Variants in KIF26B observed in about 807,000 individuals in gnomAD.
KIF26B encodes the protein kinesin-like protein KIF26B.
In KIF26B, 63 loss-of-function variants were observed where a neutral mutation model predicts 151.2. The observed-to-expected ratio is 0.42, with a 90% CI of 0.34 to 0.51. The LOEUF is 0.51. Among genes scored for constraint, KIF26B ranks in the 20% least tolerant of loss-of-function variants. The pLI is 0.07. For synonymous variants in KIF26B, 1,357 were observed against 1,262.1 expected, an observed-to-expected ratio of 1.08 and a Z score of -1.59; for missense variants, 2,813 against 2,913.6, an observed-to-expected ratio of 0.97 and a Z score of 0.79.
chr1:245,607,206 G>A (rs900173120), intron 6 of KIF26B, among the ~76,000 whole-genome samples: 3 of 152,062 alleles, frequency 2.0e-5, no homozygotes, highest in Admixed American at 6.5e-5. Flanking sequence ...CTTGTGAAAT[G>A]GTGGGTCACC....
At position 245,687,012 on chromosome 1, in the gene KIF26B, G is replaced by A. The variant is rs1156767522; in HGVS notation, c.4029G>A (p.Leu1343=). 1 of 1,613,558 alleles carries A rather than the reference G, an allele frequency of 6.2e-7. No individual in the cohort carries two copies. The highest frequency in any genetic ancestry group is 8.5e-7 in the Non-Finnish European group (1 of 1,179,840). ...CCAGCCCCGACAACTTGCTCATCCT[G>A]TCTGAGATGGGAGATGACTCTTTCA... The part of the protein sequence containing the change: ...PKASPDNLLI[L]SEMGDDSFNK... Residue 1343 remains leucine, a synonymous_variant, in exon 12 of 15, where the codon CTG becomes CTA. Transcript: ENST00000407071. The surrounding 1 kb of genome is among the most constrained non-coding windows in gnomAD (Gnocchi z 4.9).
chr1:245,403,074 T>A (rs1422872221), intron 3 of KIF26B, among the ~76,000 whole-genome samples: 3 of 152,164 alleles, frequency 2.0e-5, no homozygotes, highest in Non-Finnish European at 2.9e-5. Context: ...GCTCAAATGA[T>A]CCTCCTGCCT....
intron 12 of KIF26B, among the ~76,000 whole-genome samples, chr1:245,689,485 C>G (rs2044594397): frequency 6.6e-6 from 1 of 152,220 alleles, no homozygotes; most frequent in African/African-American, 2.4e-5. Flanking sequence ...ACACCTGCCA[C>G]AGGGCCTGCA....
intron 2 of KIF26B, among the ~76,000 whole-genome samples, chr1:245,334,324 G>A (rs1672179808): frequency 6.6e-6 from 1 of 152,216 alleles, no homozygotes; most frequent in South Asian, 2.1e-4. Flanking sequence ...TTATGAAAAT[G>A]TTCGTTCCTG....
intron 5 of KIF26B, among the ~76,000 whole-genome samples, chr1:245,600,095 A>G (rs963987146): frequency 2.1e-5 from 3 of 143,800 alleles, no homozygotes; most frequent in Non-Finnish European, 3.0e-5. Flanking sequence ...CTGGAGTGTA[A>G]TGGCGTGATC....
chr1:245,481,131 A>G (rs1452615206), intron 4 of KIF26B, among the ~76,000 whole-genome samples: 1 of 151,920 alleles, frequency 6.6e-6, no homozygotes, highest in Non-Finnish European at 1.5e-5. Context: ...CATCTTTGGA[A>G]TATTTGTCCT....
intron 2 of KIF26B, among the ~76,000 whole-genome samples, chr1:245,169,650 A>G (rs928831077): frequency 6.6e-6 from 1 of 151,918 alleles, no homozygotes; most frequent in African/African-American, 2.4e-5. Context: ...GCATGGTTTC[A>G]ATATATCCAA....
intron 2 of KIF26B, among the ~76,000 whole-genome samples, chr1:245,245,558 A>G (rs1220552113): frequency 6.6e-6 from 1 of 152,174 alleles, no homozygotes; most frequent in Non-Finnish European, 1.5e-5. Flanking sequence ...TGGGAGGCCA[A>G]GGTAGGCAGA....
At chr1:245,595,422 G>A (rs1020559462) in intron 5 of KIF26B, among the ~76,000 whole-genome samples, 4 of 109,522 alleles carry the variant, frequency 3.7e-5, no homozygotes, top group African/African-American at 9.5e-5. Context: ...TGAGATAATC[G>A]TGGTTTTTGT....
intron 5 of KIF26B, among the ~76,000 whole-genome samples, chr1:245,553,256 G>A (rs555288903): frequency 6.6e-6 from 1 of 152,204 alleles, no homozygotes; most frequent in Non-Finnish European, 1.5e-5. Context: ...GGTCTGTGGT[G>A]GAGCTGGCCT....
At chr1:245,396,613 C>G (rs779813630) in intron 3 of KIF26B, among the ~76,000 whole-genome samples, 1 of 149,054 alleles carries the variant, frequency 6.7e-6, no homozygotes, top group Admixed American at 6.7e-5. Context: ...TCCTGGGCAA[C>G]GACAACAGTG....
At chr1:245,643,234 G>T (rs1428520848) in intron 9 of KIF26B, among the ~76,000 whole-genome samples, 1 of 151,978 alleles carries the variant, frequency 6.6e-6, no homozygotes, top group African/African-American at 2.4e-5. Context: ...GATATGGTTT[G>T]GTTCAAAATA....
rs115353452 is a variant in KIF26B at position 245,207,271 on chromosome 1, A to G, written c.465+50588A>G. 1.9e-3 allele frequency among the ~76,000 whole-genome samples: 294 copies of G among 152,362 alleles called. 3 individuals are homozygous for G. Among genetic ancestry groups the G allele is most frequent in the African/African-American group, 6.5e-3 (271 of 41,588 alleles). ...TCTGCAGAAGGGTGCTTCTCACAGG[A>G]CTGGTTGCCACGAGAGCACACCGAA... is the stretch of plus-strand genomic sequence containing the variant. On this transcript the variant is annotated intron_variant, in intron 2 of 14. Coordinates refer to ENST00000407071, the MANE Select transcript of KIF26B (RefSeq NM_018012.4).
At chr1:245,192,164 T>C (rs1460111156) in intron 2 of KIF26B, among the ~76,000 whole-genome samples, 1 of 152,214 alleles carries the variant, frequency 6.6e-6, no homozygotes, top group African/African-American at 2.4e-5. Context: ...AGGGAAATGG[T>C]TACAGAAATT....
At chr1:245,194,147 C>T (rs1573700579) in intron 2 of KIF26B, among the ~76,000 whole-genome samples, 1 of 152,150 alleles carries the variant, frequency 6.6e-6, no homozygotes, top group Non-Finnish European at 1.5e-5. Context: ...CCATATAAGG[C>T]CATTATCTCG....
At chr1:245,174,503 T>TGTATGTATGTAC (rs10666741) in intron 2 of KIF26B, among the ~76,000 whole-genome samples, 335 of 150,366 alleles carry the variant, frequency 2.2e-3, no homozygotes, top group South Asian at 3.8e-3. Flanking sequence ...TATGTACTTA[T>TGTATGTATGTAC]TTATTTATTT....
intron 2 of KIF26B, among the ~76,000 whole-genome samples, chr1:245,263,315 G>A (rs541071253): frequency 6.6e-6 from 1 of 152,288 alleles, no homozygotes; most frequent in South Asian, 2.1e-4. Context: ...CACTCGGAAG[G>A]GAAGGCAGAG....
intron 2 of KIF26B, among the ~76,000 whole-genome samples, chr1:245,324,130 G>T: frequency 7.0e-6 from 1 of 143,516 alleles, no homozygotes; most frequent in African/African-American, 2.6e-5. Flanking sequence ...GACTCTGCCA[G>T]GGGTGGTTGG....
At chr1:245,169,558 G>A (rs1037108871) in intron 2 of KIF26B, among the ~76,000 whole-genome samples, 5 of 151,832 alleles carry the variant, frequency 3.3e-5, no homozygotes, top group Non-Finnish European at 5.9e-5. Flanking sequence ...TGAGAGCAGA[G>A]GAAGCGGTTG....
Sources: allele counts gnomAD v4.1 joint callset (sites outside exome capture counted in the v4.1 genomes callset), GRCh38; gene constraint gnomAD v4.1.1; non-coding constraint Gnocchi (gnomAD v3.1); transcripts MANE v1.5; gene names NCBI Gene and HGNC (gene_info 2026-07-23, HGNC 2026-07-21).